RNF13: variants seen among roughly 807,000 people sequenced by gnomAD.
RNF13 encodes the protein E3 ubiquitin-protein ligase RNF13.
A neutral mutation model predicts 37.7 loss-of-function variants in RNF13; 19 were observed. That is an observed-to-expected ratio of 0.50 (90% CI 0.35 to 0.74). The LOEUF is 0.74. Ranked by LOEUF, RNF13 falls within the 30% of genes least tolerant of loss-of-function variation. RNF13 has a pLI of 0.01. For synonymous variants in RNF13, 144 were observed against 157.8 expected, an observed-to-expected ratio of 0.91 and a Z score of 0.65; for missense variants, 375 against 453.0, an observed-to-expected ratio of 0.83 and a Z score of 1.56.
At chr3:149,922,716 T>C (rs892171681) in intron 8 of RNF13, among the ~76,000 whole-genome samples, 5 of 152,210 alleles carry the variant, frequency 3.3e-5, no homozygotes, top group African/African-American at 1.2e-4. Flanking sequence ...TATACTCTTA[T>C]TATTTTCCCT....
intron 7 of RNF13, 109 bp from the exon 8 acceptor site, chr3:149,921,025 T>C (rs1718070020): frequency 2.7e-6 from 1 of 374,916 alleles, no homozygotes; most frequent in South Asian, 1.1e-4. Flanking sequence ...ATGAATTGAA[T>C]TGATTTGCAG....
At chr3:149,952,944 A>T (rs1165862422) in intron 8 of RNF13, among the ~76,000 whole-genome samples, 1 of 152,112 alleles carries the variant, frequency 6.6e-6, no homozygotes, top group African/African-American at 2.4e-5. Context: ...AATATTTACC[A>T]TTCCAAAACT....
intron 1 of RNF13, among the ~76,000 whole-genome samples, chr3:149,814,725 T>C (rs1172421876): frequency 6.6e-6 from 1 of 152,222 alleles, no homozygotes; most frequent in Non-Finnish European, 1.5e-5. Context: ...TGTTTCAAAA[T>C]ACTAAATTCC....
rs1452757876 is a variant in RNF13, at chr3:149,902,234, G to A, written c.500+72G>A. On this transcript the variant is annotated intron_variant, in intron 6 of 9. Transcript: ENST00000392894. ...TATTAAGGTAGAATTATATAATATT[G>A]TAATCAAGATTATGTTTCAGAATGA... 8.6e-6 allele frequency: 6 copies of A among 694,332 alleles called. No individual in the cohort carries two copies. In the East Asian group the frequency reaches 1.7e-4, roughly 19 times the overall value. 43.0% of individuals were successfully genotyped at this position (694,332 alleles called of 1,614,324 possible).
At chr3:149,908,693 T>C (rs1716675255) in intron 6 of RNF13, among the ~76,000 whole-genome samples, 1 of 152,152 alleles carries the variant, frequency 6.6e-6, no homozygotes, top group Non-Finnish European at 1.5e-5. Context: ...GGTTATTGCC[T>C]GGAAAGCTGA....
chr3:149,888,451 A>G (rs941316068), intron 4 of RNF13, among the ~76,000 whole-genome samples: 1 of 152,254 alleles, frequency 6.6e-6, no homozygotes, highest in African/African-American at 2.4e-5. Flanking sequence ...GGGCATTTGC[A>G]GGAAATGAAT....
chr3:149,945,379 C>T lies in RNF13; in HGVS notation c.701-14677C>T, dbSNP rs978743379. 5.3e-5 allele frequency among the ~76,000 whole-genome samples: 8 copies of T among 152,130 alleles called. No individual in the cohort carries two copies. In the East Asian group the frequency reaches 7.7e-4, roughly 15 times the overall value. ...GCAAGGCTGGGGGGTGGGGGGTGCCCGCCATTGCTGAGGCTTGTGTAGGTA... is the reference window on the plus strand; with the variant it reads ...GCAAGGCTGGGGGGTGGGGGGTGCCTGCCATTGCTGAGGCTTGTGTAGGTA... On this transcript the variant is annotated intron_variant, in intron 8 of 9. Coordinates refer to ENST00000392894, the MANE Select transcript of RNF13 (RefSeq NM_183381.3).
chr3:149,926,356 C>T (rs1218640462), intron 8 of RNF13, among the ~76,000 whole-genome samples: 5 of 152,028 alleles, frequency 3.3e-5, no homozygotes, highest in Non-Finnish European at 5.9e-5. Flanking sequence ...GGACTACAGG[C>T]GCCCGCCACC....
intron 3 of RNF13, among the ~76,000 whole-genome samples, chr3:149,863,530 C>A (rs900619528): frequency 6.6e-6 from 1 of 152,100 alleles, no homozygotes; most frequent in Non-Finnish European, 1.5e-5. Context: ...CAGGCGTGTA[C>A]CACCACGCCT....
chr3:149,881,609 G>A (rs745495508), intron 4 of RNF13, among the ~76,000 whole-genome samples: 3 of 152,142 alleles, frequency 2.0e-5, no homozygotes, highest in Non-Finnish European at 2.9e-5. Context: ...GGGATTACAG[G>A]TGTGAGCTAC....
At chr3:149,917,054 T>C (rs897400101) in intron 7 of RNF13, among the ~76,000 whole-genome samples, 1 of 152,170 alleles carries the variant, frequency 6.6e-6, no homozygotes, top group Non-Finnish European at 1.5e-5. Context: ...TTTCAATCCA[T>C]ATGAAGGGGG....
At chr3:149,950,433 G>C (rs1288435530) in intron 8 of RNF13, among the ~76,000 whole-genome samples, 2 of 152,158 alleles carry the variant, frequency 1.3e-5, no homozygotes, top group African/African-American at 4.8e-5. Flanking sequence ...GAGGTACAGG[G>C]AAGGGGAAGC....
At chr3:149,852,458 G>T (rs929521178) in intron 2 of RNF13, 58 bp from the exon 3 acceptor site, 2 of 690,706 alleles carry the variant, frequency 2.9e-6, no homozygotes, top group African/African-American at 3.7e-5. Flanking sequence ...ATAAGTCTTT[G>T]TTTTTAATGT....
chr3:149,833,072 A>G (rs1559893787), intron 1 of RNF13, among the ~76,000 whole-genome samples: 1 of 152,034 alleles, frequency 6.6e-6, no homozygotes, highest in Non-Finnish European at 1.5e-5. Flanking sequence ...GATACTAAAA[A>G]AAGAAAGAAA....
chr3:149,852,826 T>G (rs947765178), intron 3 of RNF13, among the ~76,000 whole-genome samples: 4 of 151,968 alleles, frequency 2.6e-5, no homozygotes, highest in Non-Finnish European at 4.4e-5. Context: ...ATATCACATT[T>G]CAGACCTGTT....
At chr3:149,926,950 A>C (rs1242566187) in intron 8 of RNF13, among the ~76,000 whole-genome samples, 1 of 152,184 alleles carries the variant, frequency 6.6e-6, no homozygotes, top group African/African-American at 2.4e-5. Context: ...TCGAATTGTC[A>C]AGGCCACCCC....
intron 8 of RNF13, among the ~76,000 whole-genome samples, chr3:149,943,056 T>G (rs1720423434): frequency 6.6e-6 from 1 of 152,138 alleles, no homozygotes; most frequent in African/African-American, 2.4e-5. Context: ...TATATAATCC[T>G]TTTAATGTAC....
intron 8 of RNF13, among the ~76,000 whole-genome samples, chr3:149,935,667 A>T: frequency 6.6e-6 from 1 of 152,190 alleles, no homozygotes; most frequent in East Asian, 1.9e-4. Context: ...TTTACATCGT[A>T]ATTTCATCCC....
chr3:149,880,790 A>C (rs1448568631), intron 4 of RNF13, among the ~76,000 whole-genome samples: 1 of 152,190 alleles, frequency 6.6e-6, no homozygotes, highest in East Asian at 1.9e-4. Context: ...GTTGCAGAAC[A>C]TGATTGTTGC....
Sources: gnomAD v4.1 joint callset for allele counts (sites outside exome capture counted in the v4.1 genomes callset) on GRCh38, gnomAD v4.1.1 for gene constraint, MANE v1.5 for transcripts, NCBI Gene and HGNC (gene_info 2026-07-23, HGNC 2026-07-21) for gene names.